ADAMTS16: variants seen among roughly 807,000 people sequenced by gnomAD.
ADAMTS16 encodes ADAM metallopeptidase with thrombospondin type 1 motif 16.
ADAMTS16 carries 94 observed loss-of-function variants against 145.8 expected under a neutral mutation model. That is an observed-to-expected ratio of 0.64 (90% confidence interval 0.55 to 0.77). ADAMTS16 has a LOEUF of 0.77. Ranked by LOEUF, ADAMTS16 falls within the 30% of genes least tolerant of loss-of-function variation. ADAMTS16 has a pLI of 0.00. For missense variants in ADAMTS16, 1,585 were observed against 1,591.5 expected (o/e 1.00, Z 0.07); for synonymous variants, 659 against 604.3 (o/e 1.09, Z -1.33).
chr5:5,140,390 G>A lies in ADAMTS16; in HGVS notation c.-78G>A. ...GGGAATCCTCCCGCGCTCTGCCTGG[G>A]TCGGGTCCTCCCTGCCCGCTCGCAC... is the stretch of plus-strand genomic sequence containing the variant. On this transcript the variant is annotated 5_prime_UTR_variant, in exon 1 of 23. Transcript: ENST00000274181. The A allele has an allele frequency of 7.2e-7, 1 of 1,396,172 alleles. No homozygotes were observed. The highest frequency in any genetic ancestry group is 3.0e-5 in the East Asian group (1 of 33,308). 86.5% of individuals were successfully genotyped at this position (1,396,172 alleles called of 1,614,324 possible).
intron 17 of ADAMTS16, among the ~76,000 whole-genome samples, chr5:5,244,484 T>C (rs554442471): frequency 2.0e-5 from 3 of 152,214 alleles, no homozygotes; most frequent in Non-Finnish European, 4.4e-5. Flanking sequence ...CTTGGCTTCA[T>C]CAGGCCATGC....
intron 3 of ADAMTS16, among the ~76,000 whole-genome samples, chr5:5,147,634 G>A (rs1734338815): frequency 6.6e-6 from 1 of 152,124 alleles, no homozygotes; most frequent in Non-Finnish European, 1.5e-5. Flanking sequence ...GTGGTTATTT[G>A]GCGCTCTTGT....
chr5:5,267,454 A>G (rs1041089499), intron 18 of ADAMTS16, among the ~76,000 whole-genome samples: 5 of 152,122 alleles, frequency 3.3e-5, no homozygotes, highest in African/African-American at 1.2e-4. Context: ...ATGGGGAGCC[A>G]GAAAGGGGAT....
At chr5:5,299,096 G>A (rs180981693) in intron 18 of ADAMTS16, among the ~76,000 whole-genome samples, 1 of 152,232 alleles carries the variant, frequency 6.6e-6, no homozygotes, top group African/African-American at 2.4e-5. Flanking sequence ...AATGCCTCGT[G>A]TAGGTTTGTG....
intron 8 of ADAMTS16, 77 bp from the exon 9 acceptor site, chr5:5,200,055 T>C (rs1348222710): frequency 6.7e-7 from 1 of 1,482,606 alleles, no homozygotes; most frequent in East Asian, 2.5e-5. Context: ...TCTTGACTTG[T>C]AATTGTTAGA....
rs367796099 is a variant in ADAMTS16 at position 5,314,378 on chromosome 5, A to T, written c.3412-3756A>T. On this transcript the variant is annotated intron_variant, in intron 21 of 22. Transcript: ENST00000274181. ...GCTCTGCCCCGCAGGAGTCTGTGTG[A>T]TTGTCAAGGCTCCAGGTGATTTTTA... 2.0e-5 allele frequency among the ~76,000 whole-genome samples: 3 copies of T among 152,248 alleles called. No homozygotes were observed. In the East Asian group the frequency reaches 5.8e-4, roughly 29 times the overall value.
intron 20 of ADAMTS16, among the ~76,000 whole-genome samples, chr5:5,304,454 AC>A (rs1285308465): frequency 6.6e-6 from 1 of 152,094 alleles, no homozygotes; most frequent in Non-Finnish European, 1.5e-5. Flanking sequence ...CAACAGCACC[AC>A]CAGCCAAGCA....
Position 5,274,825 on chromosome 5 carries a change from A to G in ADAMTS16, c.2789+12042A>G, listed in dbSNP as rs186731716. ...GAACTAAAGAATACTTCTGGTTTTCAGGAAACTTAGCTGGTTATTTAGGTT... is the reference window on the plus strand; with the variant it reads ...GAACTAAAGAATACTTCTGGTTTTCGGGAAACTTAGCTGGTTATTTAGGTT... On this transcript the variant is annotated intron_variant, in intron 18 of 22. Coordinates refer to ENST00000274181, the MANE Select transcript of ADAMTS16 (RefSeq NM_139056.4). 4.5e-3 allele frequency among the ~76,000 whole-genome samples: 678 copies of G among 152,246 alleles called. 5 individuals carry two copies. Among genetic ancestry groups the G allele is most frequent in the African/African-American group, 0.014 (594 of 41,544 alleles).
chr5:5,212,937 TG>T (rs1560951321), intron 10 of ADAMTS16, among the ~76,000 whole-genome samples: 1 of 152,232 alleles, frequency 6.6e-6, no homozygotes, highest in African/African-American at 2.4e-5. Flanking sequence ...GCTTTTTAAC[TG>T]TACTTCCTTA....
chr5:5,319,497 G>T lies in ADAMTS16; in HGVS notation c.*359G>T. On this transcript the variant is annotated 3_prime_UTR_variant, in exon 23 of 23. Coordinates refer to ENST00000274181, the MANE Select transcript of ADAMTS16 (RefSeq NM_139056.4). ...CGAGGCTGAACTTGCTAAATGTCTG[G>T]TGCCTTAGAAAAAGAAGGAAAGGCC... The T allele has an allele frequency of 3.3e-6, 1 of 304,044 alleles. No homozygotes were observed. Among genetic ancestry groups the T allele is most frequent in the Non-Finnish European group, 6.3e-6 (1 of 159,726 alleles). 18.8% of individuals were successfully genotyped at this position (304,044 alleles called of 1,614,324 possible). A position where few individuals can be genotyped will look rare whatever the true frequency, so the allele number is the denominator to read the frequency against.
intron 2 of ADAMTS16, among the ~76,000 whole-genome samples, chr5:5,141,373 C>A (rs1373678151): frequency 1.3e-5 from 2 of 152,162 alleles, no homozygotes; most frequent in Non-Finnish European, 2.9e-5. Flanking sequence ...GACATGAGGG[C>A]AAGTCTTATT....
chr5:5,162,440 A>G (rs1734764728), intron 3 of ADAMTS16, among the ~76,000 whole-genome samples: 1 of 152,228 alleles, frequency 6.6e-6, no homozygotes, highest in Admixed American at 6.5e-5. Flanking sequence ...TTGACCAGGC[A>G]TCCGTTATCT....
rs1380582991 is a variant in ADAMTS16, at chr5:5,259,158, G to T, written c.2663-3499G>T. 4.6e-5 allele frequency among the ~76,000 whole-genome samples: 7 copies of T among 152,200 alleles called. No homozygotes were observed. In the East Asian group the frequency reaches 1.4e-3, roughly 29 times the overall value. On this transcript the variant is annotated intron_variant, in intron 17 of 22. Coordinates refer to ENST00000274181, the MANE Select transcript of ADAMTS16 (RefSeq NM_139056.4). ...CTGGGACATCACTTCCTTTCACAGT[G>T]ACTTCCACTCTGCGGCCATTTGGGT...
chr5:5,246,445 G>A (rs1375502136), intron 17 of ADAMTS16, among the ~76,000 whole-genome samples: 2 of 152,000 alleles, frequency 1.3e-5, no homozygotes, highest in East Asian at 3.9e-4. Context: ...ATTCATTTAG[G>A]GATTAGGTTT....
intron 3 of ADAMTS16, among the ~76,000 whole-genome samples, chr5:5,162,732 AAGAG>A (rs1263469080): frequency 6.8e-6 from 1 of 147,418 alleles, no homozygotes; most frequent in Non-Finnish European, 1.5e-5. Context: ...GAGAGAGAAA[AAGAG>A]AGAGAGAGGA....
At chr5:5,227,274 A>G (rs1373494777) in intron 11 of ADAMTS16, among the ~76,000 whole-genome samples, 1 of 152,224 alleles carries the variant, frequency 6.6e-6, no homozygotes, top group East Asian at 1.9e-4. Context: ...TATTTTGTGA[A>G]CAGTAATCGC....
At chr5:5,161,222 T>G (rs1367400128) in intron 3 of ADAMTS16, among the ~76,000 whole-genome samples, 2 of 152,236 alleles carry the variant, frequency 1.3e-5, no homozygotes, top group Non-Finnish European at 2.9e-5. Context: ...AGTTTGCAGA[T>G]TCATCCTGTT....
chr5:5,255,023 T>C (rs1579345085), intron 17 of ADAMTS16, among the ~76,000 whole-genome samples: 2 of 152,130 alleles, frequency 1.3e-5, no homozygotes, highest in Non-Finnish European at 2.9e-5. Context: ...TTTTATATTA[T>C]TATGTATGGT....
Position 5,318,186 on chromosome 5 carries a change from C to G in ADAMTS16, c.3464C>G (p.Ala1155Gly). Residue 1155 changes from alanine to glycine, a missense_variant, in exon 22 of 23, where the codon GCT becomes GGT. By Grantham distance (60) the Ala-to-Gly change is moderately conservative. This residue lies in a region of ADAMTS16 where 834 missense variants were observed against 811.7 expected (regional missense o/e 1.03). Coordinates refer to ENST00000274181, the MANE Select transcript of ADAMTS16 (RefSeq NM_139056.4). ...CAGACGAGGTCCGTGCAGTGCCTGGCTGGGGGCCGGCCGGCCTCAGGCTGC... is the reference window on the plus strand; with the variant it reads ...CAGACGAGGTCCGTGCAGTGCCTGGGTGGGGGCCGGCCGGCCTCAGGCTGC... ...GVQTRSVQCL[A>G]GGRPASGCLL... 2.6e-6 allele frequency: 4 copies of G among 1,560,322 alleles called. No individual in the cohort carries two copies. The highest frequency in any genetic ancestry group is 4.7e-5 in the East Asian group (2 of 42,766).
Sources: allele counts gnomAD v4.1 joint callset (sites outside exome capture counted in the v4.1 genomes callset), GRCh38; gene constraint gnomAD v4.1.1; regional missense constraint gnomAD v4.1.1; transcripts MANE v1.5; gene names NCBI Gene and HGNC (gene_info 2026-07-23, HGNC 2026-07-21).